Variants in SLF1 observed in about 807,000 individuals in gnomAD.
The protein encoded by SLF1 is SMC5/6 complex localization factor 1.
Under a neutral mutation model 123.0 loss-of-function variants are expected in SLF1, and 105 were observed. The ratio of observed to expected loss-of-function variants is 0.85; its 90% CI spans 0.73 to 1.00. SLF1 has a LOEUF of 1.00. Among genes scored for constraint, SLF1 ranks in the 50% least tolerant of loss-of-function variants. The pLI, the probability that SLF1 is intolerant of heterozygous loss-of-function variation, is 0.00. For missense variants in SLF1, 1,239 were observed against 1,223.0 expected (o/e 1.01, Z -0.20); for synonymous variants, 434 against 406.6 (o/e 1.07, Z -0.81).
rs1746663287 is a variant in SLF1 at position 94,643,422 on chromosome 5, A to G, written c.581A>G (p.Asp194Gly). ...TTTTATCCAATTCAGTATCTAGGGG[A>G]TTTTCTTTTAGAGGTAAGTAAAATA... Reference protein sequence around the residue: ...APFYPIQYLGDFLLEKEIQND... With the variant: ...APFYPIQYLGGFLLEKEIQND... Residue 194 changes from aspartate to glycine, a missense_variant, in exon 5 of 21, where the codon GAT becomes GGT. By Grantham distance (94) the Asp-to-Gly change is moderately conservative. Coordinates refer to ENST00000265140, the MANE Select transcript of SLF1 (RefSeq NM_032290.4). 6.8e-7 allele frequency: 1 copy of G among 1,471,872 alleles called. No individual in the cohort carries two copies. The allele number at this position is 1,471,872 out of a possible 1,614,324, so 91.2% of individuals were successfully genotyped here.
intron 14 of SLF1, among the ~76,000 whole-genome samples, chr5:94,677,044 T>C (rs1162720682): frequency 6.6e-6 from 1 of 152,180 alleles, no homozygotes; most frequent in African/African-American, 2.4e-5. Flanking sequence ...TATATAACTC[T>C]AATACACTGA....
At chr5:94,643,150 C>G in intron 4 of SLF1, 123 bp from the exon 5 acceptor site, 1 of 639,618 alleles carries the variant, frequency 1.6e-6, no homozygotes, top group Non-Finnish European at 2.5e-6. Flanking sequence ...CCTCAATTGC[C>G]CAAAGAAATT....
intron 1 of SLF1, among the ~76,000 whole-genome samples, chr5:94,624,507 A>G (rs1193586176): frequency 3.9e-5 from 6 of 152,192 alleles, no homozygotes; most frequent in South Asian, 2.1e-4. Context: ...TATACATGAA[A>G]CCAAAATACA....
chr5:94,638,823 C>T (rs1325004167), intron 4 of SLF1, among the ~76,000 whole-genome samples: 1 of 152,172 alleles, frequency 6.6e-6, no homozygotes, highest in Admixed American at 6.5e-5. Context: ...CACTTTAGCA[C>T]TCCTTTGAGA....
At chr5:94,629,730 A>G (rs1397672016) in intron 3 of SLF1, 1 of 152,236 alleles carries the variant, frequency 6.6e-6, no homozygotes, top group African/African-American at 2.4e-5. Context: ...AGCATATGTA[A>G]CTTGGGTGAA....
intron 16 of SLF1, among the ~76,000 whole-genome samples, chr5:94,688,231 A>G (rs1315302831): frequency 2.0e-5 from 3 of 152,122 alleles, no homozygotes; most frequent in Admixed American, 1.3e-4. Context: ...TGGGCATAAG[A>G]CTAATCAAAA....
At chr5:94,638,091 T>C (rs555233837) in intron 4 of SLF1, among the ~76,000 whole-genome samples, 1 of 152,294 alleles carries the variant, frequency 6.6e-6, no homozygotes, top group South Asian at 2.1e-4. Flanking sequence ...TTGGTGCCAT[T>C]GATGGCAGGT....
intron 11 of SLF1, among the ~76,000 whole-genome samples, chr5:94,665,002 G>GA (rs1239451664): frequency 2.0e-5 from 3 of 151,856 alleles, no homozygotes; most frequent in African/African-American, 7.3e-5. Flanking sequence ...TACTACTAGG[G>GA]AAAAAAATTT....
chr5:94,657,717 C>T (rs111793627), intron 9 of SLF1, among the ~76,000 whole-genome samples: 327 of 152,134 alleles, frequency 2.1e-3, no homozygotes, highest in African/African-American at 7.6e-3. Flanking sequence ...ATTTATATAT[C>T]TGGGTGCTCC....
rs372213625 is a variant in SLF1 at position 94,678,991 on chromosome 5, T to G, written c.1975+36T>G. ...CTATGTTCTGTTTTTTTCAGACCCA[T>G]TCTGGAAATTAGTTTTGAATTTCTT... On this transcript the variant is annotated intron_variant, in intron 15 of 20. Transcript: ENST00000265140. The G allele has an allele frequency of 2.5e-5, 40 of 1,597,294 alleles. No homozygotes were observed. In the African/African-American group the frequency reaches 4.2e-4, roughly 17 times the overall value.
intron 4 of SLF1, among the ~76,000 whole-genome samples, chr5:94,637,064 T>A (rs1280408968): frequency 1.3e-5 from 2 of 152,202 alleles, no homozygotes; most frequent in African/African-American, 2.4e-5. Context: ...ATTCTGTAGA[T>A]CTATAGCTCT....
At chr5:94,643,551 G>A in intron 5 of SLF1, 116 bp downstream of exon 5, 3 of 713,170 alleles carry the variant, frequency 4.2e-6, no homozygotes, top group South Asian at 8.1e-5. Context: ...TACATTGGTA[G>A]TAATTTAAAT....
chr5:94,685,815 C>T (rs947823634), intron 15 of SLF1, among the ~76,000 whole-genome samples: 2 of 149,490 alleles, frequency 1.3e-5, no homozygotes, highest in Non-Finnish European at 3.0e-5. Flanking sequence ...AGCCTGGCAA[C>T]AGAGCGAGAC....
chr5:94,628,794 ATGTT>A lies in SLF1; in HGVS notation c.1-13_1-10del, dbSNP rs1451018337. ...ATCTTTAACACACATTATCTTCTGT[ATGTT>A]TGTATTTGTTAGATGGAAGATGGTA... On this transcript the variant is annotated splice_polypyrimidine_tract_variant and intron_variant, in intron 1 of 20. Transcript: ENST00000265140. 1 of 1,466,938 alleles carries A rather than the reference ATGTT, an allele frequency of 6.8e-7. No individual in the cohort carries two copies. The highest frequency in any genetic ancestry group is 9.2e-7 in the Non-Finnish European group (1 of 1,085,016). The allele number at this position is 1,466,938 out of a possible 1,614,324, so 90.9% of individuals were successfully genotyped here.
At chr5:94,627,511 CTT>C (rs1044141601) in intron 1 of SLF1, among the ~76,000 whole-genome samples, 2 of 146,608 alleles carry the variant, frequency 1.4e-5, no homozygotes, top group Non-Finnish European at 3.0e-5. Flanking sequence ...TGAAAATAAA[CTT>C]AGATTTTTTT....
intron 16 of SLF1, among the ~76,000 whole-genome samples, chr5:94,687,881 G>A (rs1177973401): frequency 6.6e-6 from 1 of 151,852 alleles, no homozygotes; most frequent in South Asian, 2.1e-4. Flanking sequence ...TATTTAAAAA[G>A]CAAAATATTA....
Position 94,695,116 on chromosome 5 carries a change from A to C in SLF1, c.2981A>C (p.Lys994Thr). ...CTAAATGAACTGCTTATGGCTTGTAAAAGTCATAAAGAAACCACCAGTGTT... is the reference window on the plus strand; with the variant it reads ...CTAAATGAACTGCTTATGGCTTGTACAAGTCATAAAGAAACCACCAGTGTT... ...THLNELLMAC[K>T]SHKETTSVHT... Residue 994 changes from lysine (K) to threonine (T), a missense_variant, in exon 21 of 21, where the codon AAA (lysine) becomes ACA (threonine). Coordinates refer to ENST00000265140, the MANE Select transcript of SLF1 (RefSeq NM_032290.4). 6.2e-7 allele frequency: 1 copy of C among 1,612,562 alleles called. No individual in the cohort carries two copies. Among genetic ancestry groups the C allele is most frequent in the Non-Finnish European group, 8.5e-7 (1 of 1,179,078 alleles).
intron 3 of SLF1, among the ~76,000 whole-genome samples, 200 bp from the exon 4 acceptor site, chr5:94,630,303 G>T (rs1585104931): frequency 6.6e-6 from 1 of 152,168 alleles, no homozygotes; most frequent in Admixed American, 6.5e-5. Context: ...TCATGGAAAA[G>T]ATTACATACA....
At chr5:94,634,546 A>G (rs913233999) in intron 4 of SLF1, among the ~76,000 whole-genome samples, 1 of 152,212 alleles carries the variant, frequency 6.6e-6, no homozygotes, top group African/African-American at 2.4e-5. Context: ...CTATTTGTGT[A>G]TATGTATATA....
Sources: allele counts gnomAD v4.1 joint callset (sites outside exome capture counted in the v4.1 genomes callset), GRCh38; gene constraint gnomAD v4.1.1; transcripts MANE v1.5; gene names NCBI Gene and HGNC (gene_info 2026-07-23, HGNC 2026-07-21).